SFXN3: variants seen among roughly 807,000 people sequenced by gnomAD.
The protein encoded by SFXN3 is sideroflexin 3.
A neutral mutation model predicts 40.4 loss-of-function variants in SFXN3; 31 were observed. The observed-to-expected ratio is 0.77, with a 90% CI of 0.58 to 1.04. SFXN3 has a LOEUF of 1.04. Ranked by LOEUF, SFXN3 falls within the 50% of genes least tolerant of loss-of-function variation. The probability of loss-of-function intolerance (pLI) is 0.00; values close to 1 mark genes in which losing one functional copy is unlikely to be tolerated. For synonymous variants in SFXN3, 157 were observed against 160.0 expected (o/e 0.98, Z 0.14); for missense variants, 366 against 408.2 (o/e 0.90, Z 0.89).
intron 9 of SFXN3, chr10:101,038,354 TG>T: frequency 7.4e-7 from 1 of 1,344,832 alleles, no homozygotes; most frequent in African/African-American, 1.5e-5. Context: ...AATCAGCTCC[TG>T]GAGGAAGTGA....
In SFXN3 at chr10:101,039,155, C is replaced by T. The variant is rs1380848774; in HGVS notation, c.822-20C>T. ...TAAGGCCAAAGCTTTACAAACCTTTCCAACACTTGTCTCCCCCAGCCTGGT... is the reference window on the plus strand; with the variant it reads ...TAAGGCCAAAGCTTTACAAACCTTTTCAACACTTGTCTCCCCCAGCCTGGT... On this transcript the variant is annotated intron_variant, in intron 10 of 11. Transcript: ENST00000393459. The surrounding 1 kb of genome is among the most constrained non-coding windows in gnomAD (Gnocchi z 4.6). The T allele has an allele frequency of 1.2e-6, 2 of 1,606,982 alleles. No homozygotes were observed. The highest frequency in any genetic ancestry group is 1.7e-6 in the Non-Finnish European group (2 of 1,173,708).
exon 12 of SFXN3, chr10:101,040,223 C>T (rs902934277): frequency 6.5e-6 from 1 of 154,262 alleles, no homozygotes; most frequent in African/African-American, 2.4e-5. Flanking sequence ...TCCATTTCCC[C>T]TCCTCCTCTC....
Position 101,037,210 on chromosome 10 carries a change from C to T in SFXN3, c.721+7C>T, listed in dbSNP as rs377176931. 227 of 1,613,740 alleles carry T rather than the reference C, an allele frequency of 1.4e-4. No individual in the cohort carries two copies. The highest frequency in any genetic ancestry group is 1.7e-4 in the Non-Finnish European group (205 of 1,179,996). On this transcript the variant is annotated splice_region_variant and intron_variant, in intron 8 of 11. Transcript: ENST00000393459. ...ATGGCGATTCCTGCCATGGGTAAGGCGGGAGTGGCTGGGTGGGGCATAGGA... is the reference window on the plus strand; with the variant it reads ...ATGGCGATTCCTGCCATGGGTAAGGTGGGAGTGGCTGGGTGGGGCATAGGA...
In SFXN3 at chr10:101,039,541, CAAAA is replaced by C. The variant is rs747532507; in HGVS notation, c.923_926del (p.Gln308ProfsTer83). 6.2e-7 allele frequency: 1 copy of C among 1,614,134 alleles called. No individual in the cohort carries two copies. The highest frequency in any genetic ancestry group is 1.7e-5 in the Admixed American group (1 of 60,014). ...AGAGCTGAGAGCTCAGATCCATGAG[CAAAA>C]CCCCAGCGTTGAAGTGGTCTACTAC... On this transcript the variant is annotated frameshift_variant, in exon 12 of 12. Transcript: ENST00000393459. LOFTEE classifies it high-confidence loss of function. The surrounding 1 kb of genome is among the most constrained non-coding windows in gnomAD (Gnocchi z 4.6).
At chr10:101,035,708 T>C (rs1938563869) in intron 4 of SFXN3, 41 bp downstream of exon 4, 1 of 1,575,432 alleles carries the variant, frequency 6.3e-7, no homozygotes, top group Non-Finnish European at 8.6e-7. Context: ...TGCCCTAAGC[T>C]AGAGCATAGC....
chr10:101,038,372 A>G (rs747101647), intron 9 of SFXN3: 29 of 1,352,416 alleles, frequency 2.1e-5, no homozygotes, highest in Non-Finnish European at 2.7e-5. Flanking sequence ...GTGAGGGAAG[A>G]AAAAAAAGGG....
At chr10:101,033,865 C>G (rs1473729618) in intron 2 of SFXN3, among the ~76,000 whole-genome samples, 2 of 152,002 alleles carry the variant, frequency 1.3e-5, no homozygotes, top group Non-Finnish European at 2.9e-5. Flanking sequence ...GCATGTAAGC[C>G]AGATTTATGT....
chr10:101,037,592 ACTGGG>A, intron 9 of SFXN3, 161 bp downstream of exon 9: 1 of 1,524,018 alleles, frequency 6.6e-7, no homozygotes, highest in Admixed American at 2.1e-5. Flanking sequence ...GCAAGAATGA[ACTGGG>A]CTGGGGTGAA....
chr10:101,032,264 A>T, intron 1 of SFXN3, 50 bp from the exon 2 acceptor site: 1 of 529,918 alleles, frequency 1.9e-6, no homozygotes, highest in Non-Finnish European at 3.4e-6. Flanking sequence ...GGCCTGGTCC[A>T]GGTGGCCCAG....
At chr10:101,040,508 G>A (rs965434032) in exon 12 of SFXN3, 7 of 152,252 alleles carry the variant, frequency 4.6e-5, no homozygotes, top group African/African-American at 1.7e-4. Flanking sequence ...TATCAGAGAG[G>A]GTGTAACTAG....
At chr10:101,038,103 T>G in intron 9 of SFXN3, 1 of 274,416 alleles carries the variant, frequency 3.6e-6, no homozygotes, top group Non-Finnish European at 5.8e-6. Context: ...GGGTCTTTAA[T>G]GCCGCAAAGG....
At chr10:101,034,779 A>G in exon 3 of SFXN3, 1 of 1,614,050 alleles carries the variant, frequency 6.2e-7, no homozygotes, top group East Asian at 2.2e-5. Flanking sequence ...GCACTTTTTC[A>G]CTGTTACTGA....
chr10:101,036,106 G>A lies in SFXN3; in HGVS notation c.431+5G>A. 5.6e-6 allele frequency: 9 copies of A among 1,611,042 alleles called. No individual in the cohort carries two copies. Among genetic ancestry groups the A allele is most frequent in the Non-Finnish European group, 7.6e-6 (9 of 1,177,656 alleles). Reference sequence around the variant, plus strand: ...TGACACTCCCATCACTGTGAGGTGAGAGCCAGCCCCCAGCAGCAGCTGCAC... The same window carrying A: ...TGACACTCCCATCACTGTGAGGTGAAAGCCAGCCCCCAGCAGCAGCTGCAC... On this transcript the variant is annotated splice_donor_5th_base_variant and intron_variant, in intron 5 of 11. Transcript: ENST00000393459. This position sits in a 1 kb window ranked among gnomAD's most constrained non-coding sequence, Gnocchi z 4.2.
At position 101,037,061 on chromosome 10, in the gene SFXN3, C is replaced by G; in HGVS notation, c.594-15C>G. On this transcript the variant is annotated splice_polypyrimidine_tract_variant and intron_variant, in intron 7 of 11. Coordinates refer to ENST00000393459, the Ensembl canonical transcript of SFXN3. ...CCGGGGCCTGTGATCTGACCCCAAC[C>G]CCCCTCCCTTGCAGAGAGCTGCAGG... 6.2e-7 allele frequency: 1 copy of G among 1,613,352 alleles called. No homozygotes were observed. Among genetic ancestry groups the G allele is most frequent in the Non-Finnish European group, 8.5e-7 (1 of 1,179,960 alleles).
At chr10:101,034,155 C>T (rs183217987) in intron 2 of SFXN3, among the ~76,000 whole-genome samples, 2 of 152,174 alleles carry the variant, frequency 1.3e-5, no homozygotes, top group East Asian at 1.9e-4. Flanking sequence ...TCTCATCCCA[C>T]GAGGCCATAT....
Position 101,039,199 on chromosome 10 carries a change from C to T in SFXN3, c.846C>T (p.Cys282=). The change falls in exon 11 of 12, where the codon TGC becomes TGT. Residue 282 remains cysteine, a synonymous_variant. Transcript: ENST00000393459. This position sits in a 1 kb window ranked among gnomAD's most constrained non-coding sequence, Gnocchi z 4.6. ...GCCTGGTATTTGCAACCCCCCTGTG[C>T]TGTGCCCTATTCCCCCAGAAGAGGT... is the stretch of plus-strand genomic sequence containing the variant. The T allele has an allele frequency of 6.2e-7, 1 of 1,609,208 alleles. No individual in the cohort carries two copies. The highest frequency in any genetic ancestry group is 8.5e-7 in the Non-Finnish European group (1 of 1,177,624).
Position 101,036,494 on chromosome 10 carries a change from G to A in SFXN3, c.440G>A (p.Gly147Glu). 4 of 1,614,090 alleles carry A rather than the reference G, an allele frequency of 2.5e-6. No homozygotes were observed. Among genetic ancestry groups the A allele is most frequent in the Non-Finnish European group, 3.4e-6 (4 of 1,179,990 alleles). ...GGCTTTTCCACCCACAGGCAGCTGG[G>A]GACAGCCTATGTGAGTGCCACCACT... is the stretch of plus-strand genomic sequence containing the variant. Residue 147 changes from glycine to glutamate, a missense_variant, in exon 6 of 12, where the codon GGG becomes GAG. Transcript: ENST00000393459. The surrounding 1 kb of genome is among the most constrained non-coding windows in gnomAD (Gnocchi z 4.2).
intron 2 of SFXN3, 145 bp from the exon 3 acceptor site, chr10:101,034,543 CTCTT>C: frequency 2.5e-6 from 2 of 799,206 alleles, no homozygotes; most frequent in Admixed American, 2.2e-5. Flanking sequence ...AGTCTGATCT[CTCTT>C]TCTTTTCCCT....
Position 101,036,625 on chromosome 10 carries a change from A to ACACCTC in SFXN3, c.507+67_507+72dup. The ACACCTC allele has an allele frequency of 6.2e-7, 1 of 1,612,000 alleles. No homozygotes were observed. The highest frequency in any genetic ancestry group is 8.5e-7 in the Non-Finnish European group (1 of 1,179,020). ...TCTATCTGCCTCCTTCTTCCTCATC[A>ACACCTC]CACCTCCAGTTCTGACCTATATGCC... On this transcript the variant is annotated intron_variant, in intron 6 of 11. Coordinates refer to ENST00000393459, the Ensembl canonical transcript of SFXN3. The surrounding 1 kb of genome is among the most constrained non-coding windows in gnomAD (Gnocchi z 4.2).
Sources: gnomAD v4.1 joint callset for allele counts (sites outside exome capture counted in the v4.1 genomes callset) on GRCh38, gnomAD v4.1.1 for gene constraint, Gnocchi (gnomAD v3.1) non-coding constraint, MANE v1.5 for transcripts, NCBI Gene and HGNC (gene_info 2026-07-23, HGNC 2026-07-21) for gene names.